ABCB5: variants seen among roughly 807,000 people sequenced by gnomAD.
The protein encoded by ABCB5 is ATP-binding cassette sub-family B member 5.
In ABCB5, 155 loss-of-function variants were observed where a neutral mutation model predicts 144.2. The ratio of observed to expected loss-of-function variants is 1.08; its 90% CI spans 0.94 to 1.23. ABCB5 has a LOEUF of 1.23. Ranked by LOEUF, ABCB5 falls within the 50% of genes most tolerant of loss-of-function variation. ABCB5 has a pLI of 0.00. For missense variants in ABCB5, 1,830 were observed against 1,520.8 expected (o/e 1.20, Z -3.38); for synonymous variants, 610 against 528.6 (o/e 1.15, Z -2.11).
chr7:20,637,901 A>T (rs868219344), intron 5 of ABCB5, among the ~76,000 whole-genome samples: 1 of 152,194 alleles, frequency 6.6e-6, no homozygotes, highest in Non-Finnish European at 1.5e-5. Flanking sequence ...AATATGGGTG[A>T]CTTTTGGAAT....
At chr7:20,709,819 A>G (rs954017247) in intron 20 of ABCB5, among the ~76,000 whole-genome samples, 2 of 149,586 alleles carry the variant, frequency 1.3e-5, no homozygotes, top group Non-Finnish European at 3.0e-5. Flanking sequence ...GGTGGCTCAC[A>G]CCTGTAATCG....
At chr7:20,664,941 G>C (rs551009463) in intron 14 of ABCB5, among the ~76,000 whole-genome samples, 2 of 152,176 alleles carry the variant, frequency 1.3e-5, no homozygotes, top group African/African-American at 4.8e-5. Context: ...ATAATAAAAT[G>C]ATTTTTTAAA....
chr7:20,654,803 A>G (rs1784718172), intron 13 of ABCB5, among the ~76,000 whole-genome samples: 1 of 152,162 alleles, frequency 6.6e-6, no homozygotes, highest in South Asian at 2.1e-4. Flanking sequence ...ATGTATTAGT[A>G]TTTGTGAGAT....
intron 5 of ABCB5, among the ~76,000 whole-genome samples, chr7:20,635,359 C>G (rs970950481): frequency 2.7e-5 from 4 of 146,770 alleles, no homozygotes; most frequent in Non-Finnish European, 6.0e-5. Flanking sequence ...TTTGTTCTTT[C>G]TGCTTATAGT....
rs1442143315 is a variant in ABCB5, at chr7:20,755,868, C to T, written c.*244C>T. ...CCTTCACTTTATAAAACTATTCTAG[C>T]ACATTTGCTTGTAAAGCAGTTTTCT... is the stretch of plus-strand genomic sequence containing the variant. On this transcript the variant is annotated 3_prime_UTR_variant, in exon 28 of 28. Transcript: ENST00000404938. 6.9e-6 allele frequency: 3 copies of T among 431,900 alleles called. No individual in the cohort carries two copies. Among genetic ancestry groups the T allele is most frequent in the Admixed American group, 3.9e-5 (1 of 25,482 alleles). The allele number at this position is 431,900 out of a possible 1,614,324, so 26.8% of individuals were successfully genotyped here. A position where few individuals can be genotyped will look rare whatever the true frequency, so the allele number is the denominator to read the frequency against.
chr7:20,682,932 A>G (rs1456194545), intron 15 of ABCB5, among the ~76,000 whole-genome samples: 1 of 152,106 alleles, frequency 6.6e-6, no homozygotes, highest in Non-Finnish European at 1.5e-5. Context: ...CATTAATATG[A>G]GTCATGGGAA....
chr7:20,753,405 G>T lies in ABCB5; in HGVS notation c.3475G>T (p.Gly1159Cys), dbSNP rs142824450. Residue 1159 changes from glycine (G) to cysteine (C), a missense_variant, in exon 27 of 28, where the codon GGC becomes TGC. Transcript: ENST00000404938. ...VGLKGAQLSG[G>C]QKQRLAIARA... ...ACTGAAAGGAGCACAGCTTTCTGGC[G>T]GCCAGAAACAAAGACTAGCTATTGC... The T allele has an allele frequency of 1.2e-6, 2 of 1,613,796 alleles. No homozygotes were observed. The highest frequency in any genetic ancestry group is 2.7e-5 in the African/African-American group (2 of 74,882).
At chr7:20,637,480 G>C (rs1169664964) in intron 5 of ABCB5, among the ~76,000 whole-genome samples, 2 of 151,410 alleles carry the variant, frequency 1.3e-5, no homozygotes, top group Admixed American at 1.3e-4. Flanking sequence ...GAGTGCAATG[G>C]CATGATCTTG....
intron 2 of ABCB5, among the ~76,000 whole-genome samples, chr7:20,625,986 G>T (rs1041897818): frequency 6.6e-6 from 1 of 152,146 alleles, no homozygotes; most frequent in African/African-American, 2.4e-5. Flanking sequence ...CTACAATGTG[G>T]ATGAAACATG....
At position 20,756,056 on chromosome 7, in the gene ABCB5, G is replaced by A. The variant is rs1489788057; in HGVS notation, c.*432G>A. The A allele has an allele frequency of 1.2e-5, 2 of 167,522 alleles. No homozygotes were observed. Among genetic ancestry groups the A allele is most frequent in the African/African-American group, 4.8e-5 (2 of 41,688 alleles). 10.4% of individuals were successfully genotyped at this position (167,522 alleles called of 1,614,324 possible). A position where few individuals can be genotyped will look rare whatever the true frequency, so the allele number is the denominator to read the frequency against. ...GAGAGTGTCTTTCACTTGGAATTTT[G>A]TTTTGCAGCACATATTACAGTAGTT... On this transcript the variant is annotated 3_prime_UTR_variant, in exon 28 of 28. Transcript: ENST00000404938.
intron 16 of ABCB5, among the ~76,000 whole-genome samples, chr7:20,691,340 A>C (rs982065962): frequency 1.3e-5 from 2 of 151,844 alleles, no homozygotes; most frequent in African/African-American, 4.8e-5. Flanking sequence ...CAAAGTAGCC[A>C]GAGGTTTCAG....
chr7:20,650,009 T>C lies in ABCB5; in HGVS notation c.1207-13T>C. ...TTGTGGTTTTATGATTTTCCCTCCA[T>C]ACATTCCAATAGATTCTGAAAGGTC... On this transcript the variant is annotated splice_polypyrimidine_tract_variant and intron_variant, in intron 11 of 27. Transcript: ENST00000404938. 1.9e-6 allele frequency: 3 copies of C among 1,606,448 alleles called. No homozygotes were observed. Among genetic ancestry groups the C allele is most frequent in the Non-Finnish European group, 2.6e-6 (3 of 1,176,016 alleles).
intron 1 of ABCB5, among the ~76,000 whole-genome samples, chr7:20,618,875 A>G (rs966660932): frequency 1.4e-5 from 2 of 143,386 alleles, no homozygotes; most frequent in Non-Finnish European, 3.0e-5. Flanking sequence ...CCCGGGTTCA[A>G]GAGATTCTCC....
chr7:20,636,662 G>A (rs1784162899), intron 5 of ABCB5, among the ~76,000 whole-genome samples: 1 of 151,388 alleles, frequency 6.6e-6, no homozygotes, highest in South Asian at 2.1e-4. Flanking sequence ...GTGGGCACCT[G>A]TAGTCCCAGC....
chr7:20,620,685 A>G (rs1157589525), intron 1 of ABCB5, among the ~76,000 whole-genome samples: 2 of 152,148 alleles, frequency 1.3e-5, no homozygotes, highest in African/African-American at 4.8e-5. Flanking sequence ...TCGCAACCAC[A>G]ATGAGATACC....
chr7:20,695,331 C>T (rs988018108), intron 16 of ABCB5, among the ~76,000 whole-genome samples: 2 of 150,432 alleles, frequency 1.3e-5, no homozygotes, highest in African/African-American at 4.9e-5. Context: ...TTTTTTTTTT[C>T]AAAAAATGAT....
At chr7:20,666,030 C>T (rs917018656) in intron 14 of ABCB5, among the ~76,000 whole-genome samples, 2 of 151,954 alleles carry the variant, frequency 1.3e-5, no homozygotes, top group African/African-American at 2.4e-5. Context: ...ATTAGCCGGG[C>T]GTGGTGGCAC....
intron 26 of ABCB5, among the ~76,000 whole-genome samples, chr7:20,747,039 A>G (rs986620991): frequency 6.6e-6 from 1 of 152,186 alleles, no homozygotes; most frequent in Admixed American, 6.5e-5. Context: ...CTACATGTAC[A>G]AACAGGATTT....
intron 14 of ABCB5, among the ~76,000 whole-genome samples, chr7:20,673,127 G>C (rs1785500951): frequency 6.6e-6 from 1 of 151,996 alleles, no homozygotes; most frequent in Non-Finnish European, 1.5e-5. Context: ...TTACGGTCAG[G>C]GAGTATTCAT....
Sources: gnomAD v4.1 joint callset for allele counts (sites outside exome capture counted in the v4.1 genomes callset) on GRCh38, gnomAD v4.1.1 for gene constraint, MANE v1.5 for transcripts, NCBI Gene and HGNC (gene_info 2026-07-23, HGNC 2026-07-21) for gene names.